Variants in PDE1A observed in about 807,000 individuals in gnomAD.
PDE1A encodes the protein phosphodiesterase 1A, also known as dual specificity calcium/calmodulin-dependent 3',5'-cyclic nucleotide phosphodiesterase 1A.
Under a neutral mutation model 61.7 loss-of-function variants are expected in PDE1A, and 35 were observed. The observed-to-expected ratio is 0.57, with a 90% CI of 0.43 to 0.75. PDE1A has a LOEUF of 0.75. Ranked by LOEUF, PDE1A falls within the 30% of genes least tolerant of loss-of-function variation. The probability of loss-of-function intolerance (pLI) is 0.00; values close to 1 mark genes in which losing one functional copy is unlikely to be tolerated. For synonymous variants in PDE1A, 232 were observed against 213.2 expected (o/e 1.09, Z -0.77); for missense variants, 597 against 630.6 (o/e 0.95, Z 0.57).
chr2:182,508,397 TAAGAAA>T (rs927267994), intron 2 of PDE1A, among the ~76,000 whole-genome samples: 2 of 149,982 alleles, frequency 1.3e-5, no homozygotes, highest in Non-Finnish European at 3.0e-5. Flanking sequence ...ACTAACCAGA[TAAGAAA>T]AAGAAATAAA....
At chr2:182,552,097 G>T in the PDE1A span, among the ~76,000 whole-genome samples, 1 of 152,100 alleles carries the variant, frequency 6.6e-6, no homozygotes, top group Non-Finnish European at 1.5e-5. Context: ...TATTTTAAAA[G>T]ATATGCTATT....
intron 2 of PDE1A, among the ~76,000 whole-genome samples, chr2:182,260,392 T>C (rs1482363125): frequency 1.3e-5 from 2 of 152,176 alleles, no homozygotes; most frequent in African/African-American, 4.8e-5. Context: ...TACTGATAGT[T>C]TTAAGGGAAA....
At chr2:182,387,191 T>G (rs942073021) in intron 1 of PDE1A, among the ~76,000 whole-genome samples, 1 of 152,184 alleles carries the variant, frequency 6.6e-6, no homozygotes, top group Non-Finnish European at 1.5e-5. Context: ...GTGCAAGATG[T>G]GCTTTGTTAA....
At position 182,426,556 on chromosome 2, in the gene PDE1A, C is replaced by G. The variant is rs530959670; in HGVS notation, c.53+22G>C. 19 of 1,524,508 alleles carry G rather than the reference C, an allele frequency of 1.2e-5. No individual in the cohort carries two copies. The East Asian group carries it at 3.8e-4, about 31-fold the overall frequency. 94.4% of individuals were successfully genotyped at this position (1,524,508 alleles called of 1,614,324 possible). On this transcript the variant is annotated intron_variant, in intron 1 of 13. Coordinates refer to ENST00000351439, the Ensembl canonical transcript of PDE1A. ...ATTGTTCCTGACAGCCCTAGAGCCA[C>G]CTGCGATGTAGCATTACTTACCTAA...
intron 1 of PDE1A, among the ~76,000 whole-genome samples, chr2:182,282,457 T>C (rs558428561): frequency 6.6e-6 from 1 of 152,118 alleles, no homozygotes; most frequent in East Asian, 1.9e-4. Flanking sequence ...ATTAAGTTCA[T>C]AGGTGTCATT....
chr2:182,152,801 C>T (rs1046362031), intron 13 of PDE1A, among the ~76,000 whole-genome samples: 3 of 151,970 alleles, frequency 2.0e-5, no homozygotes, highest in Non-Finnish European at 4.4e-5. Flanking sequence ...TGCGTGAAGG[C>T]AACAGTAAGA....
At chr2:182,626,818 TATATATACATATATATATAC>T in the PDE1A span, among the ~76,000 whole-genome samples, 112 of 27,314 alleles carry the variant, frequency 4.1e-3, 13 homozygotes, top group South Asian at 0.031. Context: ...TATATACATA[TATATATACATATATATATAC>T]ATATATATAC....
chr2:182,481,912 T>G (rs1687725135), intron 2 of PDE1A, among the ~76,000 whole-genome samples: 1 of 151,954 alleles, frequency 6.6e-6, no homozygotes, highest in Admixed American at 6.6e-5. Flanking sequence ...AACTTGGGTT[T>G]GAATCAGCTC....
the PDE1A span, among the ~76,000 whole-genome samples, chr2:182,677,018 T>C: frequency 3.9e-5 from 6 of 152,050 alleles, no homozygotes; most frequent in African/African-American, 1.4e-4. Context: ...ACAAGGATGC[T>C]CTCTCACCAC....
intron 2 of PDE1A, among the ~76,000 whole-genome samples, chr2:182,449,738 T>C (rs1053797266): frequency 2.6e-5 from 4 of 152,082 alleles, no homozygotes; most frequent in Admixed American, 6.6e-5. Context: ...CATATTTGAA[T>C]GTTGGTTACA....
chr2:182,456,212 C>G (rs902599498), intron 2 of PDE1A, among the ~76,000 whole-genome samples: 3 of 151,936 alleles, frequency 2.0e-5, no homozygotes, highest in African/African-American at 7.3e-5. Flanking sequence ...TCCACTTTAC[C>G]AGGGAACTTA....
At chr2:182,238,296 A>G (rs1434194958) in intron 3 of PDE1A, among the ~76,000 whole-genome samples, 1 of 150,748 alleles carries the variant, frequency 6.6e-6, no homozygotes, top group Admixed American at 6.7e-5. Context: ...AAAGAAAAAG[A>G]AAAGAATGAC....
the PDE1A span, among the ~76,000 whole-genome samples, chr2:182,585,459 G>C: frequency 6.6e-6 from 1 of 152,104 alleles, no homozygotes; most frequent in Non-Finnish European, 1.5e-5. Context: ...TAATAGATTT[G>C]TCTTAAGAAC....
At chr2:182,686,802 G>C in the PDE1A span, among the ~76,000 whole-genome samples, 2 of 152,232 alleles carry the variant, frequency 1.3e-5, no homozygotes, top group African/African-American at 4.8e-5. Context: ...GTGACAGATA[G>C]CACCTGGAAA....
At chr2:182,460,802 G>A (rs1356595079) in intron 2 of PDE1A, among the ~76,000 whole-genome samples, 1 of 152,132 alleles carries the variant, frequency 6.6e-6, no homozygotes, top group Non-Finnish European at 1.5e-5. Context: ...GAGAGAGAAT[G>A]TTATCATTTT....
the PDE1A span, among the ~76,000 whole-genome samples, chr2:182,637,513 T>C: frequency 6.6e-6 from 1 of 152,152 alleles, no homozygotes; most frequent in South Asian, 2.1e-4. Flanking sequence ...GAAAGACCAA[T>C]TAAAGAAAAG....
At chr2:182,333,382 C>A (rs1697557075) in intron 1 of PDE1A, among the ~76,000 whole-genome samples, 2 of 152,192 alleles carry the variant, frequency 1.3e-5, no homozygotes, top group South Asian at 4.1e-4. Flanking sequence ...CAAACAGCCT[C>A]TCAGACCACA....
chr2:182,568,960 C>A, the PDE1A span, among the ~76,000 whole-genome samples: 1 of 152,002 alleles, frequency 6.6e-6, no homozygotes, highest in East Asian at 1.9e-4. Context: ...TAATATTCAT[C>A]TTGATATTTT....
intron 2 of PDE1A, among the ~76,000 whole-genome samples, chr2:182,470,148 A>G (rs985890957): frequency 3.9e-5 from 6 of 151,936 alleles, no homozygotes; most frequent in African/African-American, 7.2e-5. Flanking sequence ...CTAACTTTTA[A>G]TTTATAAAAA....
Sources: allele counts gnomAD v4.1 joint callset (sites outside exome capture counted in the v4.1 genomes callset), GRCh38; gene constraint gnomAD v4.1.1; transcripts MANE v1.5; gene names NCBI Gene and HGNC (gene_info 2026-07-23, HGNC 2026-07-21).